The following PCCB variants were observed in gnomAD, a reference collection of about 807,000 sequenced individuals.
The protein encoded by PCCB is propionyl-CoA carboxylase subunit beta.
Under a neutral mutation model 60.7 loss-of-function variants are expected in PCCB, and 43 were observed. The observed-to-expected ratio is 0.71, with a 90% CI of 0.55 to 0.91. The LOEUF (loss-of-function observed/expected upper bound fraction) is 0.91. PCCB is among the 40% of genes least tolerant of loss of function. The pLI, the probability that PCCB is intolerant of heterozygous loss-of-function variation, is 0.00. For missense variants in PCCB, 766 were observed against 702.8 expected, an observed-to-expected ratio of 1.09 and a Z score of -1.02; for synonymous variants, 276 against 255.9, an observed-to-expected ratio of 1.08 and a Z score of -0.75.
At chr3:136,311,248 G>T (rs1158766514) in intron 9 of PCCB, among the ~76,000 whole-genome samples, 1 of 152,240 alleles carries the variant, frequency 6.6e-6, no homozygotes, top group Non-Finnish European at 1.5e-5. Flanking sequence ...CTTCATATAC[G>T]CAAGCAGTAA....
intron 5 of PCCB, among the ~76,000 whole-genome samples, chr3:136,262,938 T>C (rs1054971338): frequency 6.6e-6 from 1 of 150,676 alleles, no homozygotes; most frequent in Non-Finnish European, 1.5e-5. Flanking sequence ...AATACATCTT[T>C]ATGGGTCTGG....
intron 5 of PCCB, among the ~76,000 whole-genome samples, chr3:136,268,049 A>T (rs1942054874): frequency 1.2e-5 from 1 of 83,940 alleles, no homozygotes; most frequent in African/African-American, 4.3e-5. Context: ...AAACCTGGCT[A>T]GTGTGTGTGT....
intron 7 of PCCB, among the ~76,000 whole-genome samples, chr3:136,297,633 C>G (rs538326753): frequency 1.3e-5 from 2 of 152,074 alleles, no homozygotes; most frequent in Non-Finnish European, 2.9e-5. Context: ...GGAGAACTCC[C>G]GCATGGTATA....
chr3:136,329,859 C>T (rs1419016376), intron 14 of PCCB, 46 bp from the exon 15 acceptor site: 2 of 1,610,958 alleles, frequency 1.2e-6, no homozygotes, highest in Non-Finnish European at 1.7e-6. Flanking sequence ...GGGGTGGCAT[C>T]ATCTCGGGAT....
chr3:136,326,694 G>T (rs1214519296), intron 10 of PCCB, 109 bp from the exon 11 acceptor site: 2 of 804,462 alleles, frequency 2.5e-6, no homozygotes, highest in East Asian at 4.8e-5. Context: ...AAGAAGTGTT[G>T]GTGCCTCCAC....
chr3:136,318,676 T>C (rs1409090596), intron 10 of PCCB, among the ~76,000 whole-genome samples: 3 of 152,240 alleles, frequency 2.0e-5, no homozygotes, highest in Middle Eastern at 3.2e-3. Flanking sequence ...ATCAATCTTA[T>C]TTCACTTAGC....
chr3:136,326,876 C>T lies in PCCB; in HGVS notation c.1164C>T (p.Leu388=), dbSNP rs1195970931. The stretch of plus-strand genomic sequence containing the variant: ...TCTGTGATGCATTCAATATTCCACT[C>T]ATCACTTTTGTTGATGTCCCTGGCT... ...VRFCDAFNIP[L]ITFVDVPGFL... is the part of the protein sequence containing the mutation. The change falls in exon 11 of 15, where the codon CTC becomes CTT. Residue 388 remains leucine, a synonymous_variant. Coordinates refer to ENST00000251654, the MANE Select transcript of PCCB (RefSeq NM_000532.5). 1 of 1,612,826 alleles carries T rather than the reference C, an allele frequency of 6.2e-7. No homozygotes were observed. Among genetic ancestry groups the T allele is most frequent in the Non-Finnish European group, 8.5e-7 (1 of 1,178,780 alleles).
chr3:136,259,696 C>T (rs1214652665), intron 3 of PCCB, among the ~76,000 whole-genome samples: 1 of 152,092 alleles, frequency 6.6e-6, no homozygotes, highest in Admixed American at 6.6e-5. Flanking sequence ...ATGGAATAAT[C>T]TATAAATCAG....
intron 9 of PCCB, among the ~76,000 whole-genome samples, chr3:136,313,361 C>G (rs1185189520): frequency 6.6e-6 from 1 of 152,050 alleles, no homozygotes; most frequent in Non-Finnish European, 1.5e-5. Flanking sequence ...GTTGAATAAA[C>G]TTTGGTACAT....
At chr3:136,304,379 ATTAT>A (rs1299933286) in intron 9 of PCCB, among the ~76,000 whole-genome samples, 1 of 108,742 alleles carries the variant, frequency 9.2e-6, no homozygotes, top group Non-Finnish European at 1.9e-5. Flanking sequence ...GGCTTTTCCA[ATTAT>A]TTATTTATTT....
rs183013046 is a variant in PCCB, at chr3:136,298,065, G to C, written c.877G>C (p.Asp293His). 1.2e-6 allele frequency: 2 copies of C among 1,614,094 alleles called. No individual in the cohort carries two copies. The highest frequency in any genetic ancestry group is 1.7e-5 in the Admixed American group (1 of 60,010). The change falls in exon 8 of 15, where the codon GAT becomes CAT. Residue 293 changes from aspartate to histidine, a missense_variant. By Grantham distance (81) the Asp-to-His change is moderately conservative. Transcript: ENST00000251654. ...CCCGGCTCCCGTCCGTGAGTGCCACGATCCCAGGTGGGTTGTAGGCCGGTG... is the reference window on the plus strand; with the variant it reads ...CCCGGCTCCCGTCCGTGAGTGCCACCATCCCAGGTGGGTTGTAGGCCGGTG... ...QDPAPVRECH[D>H]PSDRLVPELD...
chr3:136,264,154 A>G (rs1312884061), intron 5 of PCCB, among the ~76,000 whole-genome samples: 1 of 152,032 alleles, frequency 6.6e-6, no homozygotes, highest in Non-Finnish European at 1.5e-5. Context: ...ACATATTTGC[A>G]TGTTACATTT....
intron 5 of PCCB, among the ~76,000 whole-genome samples, chr3:136,275,302 A>G (rs1263489246): frequency 6.6e-6 from 1 of 150,928 alleles, no homozygotes; most frequent in Non-Finnish European, 1.5e-5. Context: ...TATGATATCT[A>G]TGTAGAAAAT....
chr3:136,261,209 A>G (rs1438386111), intron 4 of PCCB, among the ~76,000 whole-genome samples: 1 of 152,222 alleles, frequency 6.6e-6, no homozygotes, highest in Non-Finnish European at 1.5e-5. Context: ...TTTAAAAACT[A>G]CTGCTAGAGA....
At chr3:136,324,108 T>C (rs1935210620) in intron 10 of PCCB, among the ~76,000 whole-genome samples, 1 of 152,176 alleles carries the variant, frequency 6.6e-6, no homozygotes, top group South Asian at 2.1e-4. Flanking sequence ...CTGTTTCTTC[T>C]TATTGTTTCT....
chr3:136,275,108 A>C (rs1942305758), intron 5 of PCCB, among the ~76,000 whole-genome samples: 1 of 152,080 alleles, frequency 6.6e-6, no homozygotes, highest in Non-Finnish European at 1.5e-5. Context: ...CACTGACCCC[A>C]GCCTATTTAT....
intron 10 of PCCB, among the ~76,000 whole-genome samples, chr3:136,323,399 A>G (rs554677187): frequency 6.6e-6 from 1 of 152,088 alleles, no homozygotes; most frequent in South Asian, 2.1e-4. Context: ...CATTTCATTT[A>G]TTGTACTTTT....
At chr3:136,287,310 T>C (rs542586272) in intron 6 of PCCB, among the ~76,000 whole-genome samples, 77 of 152,336 alleles carry the variant, frequency 5.1e-4, no homozygotes, top group African/African-American at 1.8e-3. Flanking sequence ...CTTGTGTGCA[T>C]GGCTTCTGGC....
intron 1 of PCCB, among the ~76,000 whole-genome samples, chr3:136,253,092 T>G (rs988338944): frequency 7.1e-6 from 1 of 140,378 alleles, no homozygotes; most frequent in Non-Finnish European, 1.5e-5. Flanking sequence ...GTTTTTTTTT[T>G]TTTTTTTTTT....
Sources: gnomAD v4.1 joint callset for allele counts (sites outside exome capture counted in the v4.1 genomes callset) on GRCh38, gnomAD v4.1.1 for gene constraint, MANE v1.5 for transcripts, NCBI Gene and HGNC (gene_info 2026-07-23, HGNC 2026-07-21) for gene names.